GATA4: variants seen among roughly 807,000 people sequenced by gnomAD.
GATA4 encodes GATA binding protein 4.
A neutral mutation model predicts 37.9 loss-of-function variants in GATA4; 7 were observed. The ratio of observed to expected loss-of-function variants is 0.18; its 90% CI spans 0.11 to 0.35. The LOEUF (loss-of-function observed/expected upper bound fraction) is 0.35. Ranked by LOEUF, GATA4 falls within the 10% of genes least tolerant of loss-of-function variation. The probability of loss-of-function intolerance (pLI) is 1.00; values close to 1 mark genes in which losing one functional copy is unlikely to be tolerated. For synonymous variants in GATA4, 372 were observed against 292.6 expected, an observed-to-expected ratio of 1.27 and a Z score of -2.77; for missense variants, 647 against 653.0, an observed-to-expected ratio of 0.99 and a Z score of 0.10.
At chr8:11,700,900 G>A (rs913010193), upstream of GATA4, 1 of 152,176 alleles carries the variant, frequency 6.6e-6, no homozygotes, top group Non-Finnish European at 1.5e-5. Flanking sequence ...GGACCCAGGC[G>A]TGGCACTTGG....
chr8:11,687,127 G>T (rs992960387), intron 1 of GATA4, among the ~76,000 whole-genome samples: 2 of 152,220 alleles, frequency 1.3e-5, no homozygotes, highest in Admixed American at 1.3e-4. Flanking sequence ...AGCAAGAGAT[G>T]TGAGAAGTGA....
upstream of GATA4, among the ~76,000 whole-genome samples, chr8:11,702,317 C>A (rs1305681405): frequency 6.6e-6 from 1 of 152,132 alleles, no homozygotes; most frequent in African/African-American, 2.4e-5. The surrounding 1 kb of genome is among the most constrained non-coding windows in gnomAD (Gnocchi z 4.4). Context: ...TGGGAGGCAG[C>A]TCTGAGACCC....
chr8:11,753,179 G>A (rs1343181712), intron 4 of GATA4, among the ~76,000 whole-genome samples: 1 of 152,158 alleles, frequency 6.6e-6, no homozygotes, highest in Non-Finnish European at 1.5e-5. Context: ...GAAATGAACG[G>A]ATAAACACAG....
intron 2 of GATA4, among the ~76,000 whole-genome samples, chr8:11,733,099 AT>A (rs1331028434): frequency 6.6e-6 from 1 of 152,220 alleles, no homozygotes; most frequent in Non-Finnish European, 1.5e-5. Context: ...ACAAATGTAA[AT>A]TCCCTGTGGA....
chr8:11,718,934 C>T (rs1800550522), intron 2 of GATA4, among the ~76,000 whole-genome samples: 1 of 152,232 alleles, frequency 6.6e-6, no homozygotes, highest in South Asian at 2.1e-4. Context: ...CCATTCCGAG[C>T]AGGTGTGGGA....
At chr8:11,692,281 C>T (rs958694732), upstream of GATA4, among the ~76,000 whole-genome samples, 29 of 152,318 alleles carry the variant, frequency 1.9e-4, no homozygotes, top group African/African-American at 6.0e-4. Flanking sequence ...TCCATCACAC[C>T]TTTTCAAGCA....
At chr8:11,720,852 G>A (rs990544435) in intron 2 of GATA4, among the ~76,000 whole-genome samples, 21 of 151,740 alleles carry the variant, frequency 1.4e-4, no homozygotes, top group African/African-American at 5.1e-4. Context: ...CCTGCTGCTT[G>A]GGCTTTGCTT....
intron 1 of GATA4, among the ~76,000 whole-genome samples, chr8:11,694,202 T>C (rs947894607): frequency 2.6e-5 from 4 of 152,222 alleles, no homozygotes; most frequent in Admixed American, 1.3e-4. Flanking sequence ...GCCTGGCACA[T>C]AGTAAACATT....
At chr8:11,681,190 C>T (rs551656092) in intron 1 of GATA4, 2 of 985,400 alleles carry the variant, frequency 2.0e-6, no homozygotes, top group African/African-American at 3.5e-5. Context: ...AGTCACAGGC[C>T]CTGGCCCGCG....
chr8:11,719,685 A>G (rs1282514907), intron 2 of GATA4, among the ~76,000 whole-genome samples: 1 of 152,176 alleles, frequency 6.6e-6, no homozygotes, highest in Admixed American at 6.5e-5. Context: ...TAACTACATT[A>G]TTAAGTAGTC....
intron 2 of GATA4, among the ~76,000 whole-genome samples, chr8:11,710,421 T>C (rs1196159120): frequency 6.6e-6 from 1 of 151,186 alleles, no homozygotes; most frequent in Admixed American, 6.6e-5. Flanking sequence ...TACGGGGTCC[T>C]CTCCAGGGCC....
rs746574040 is a variant in GATA4 at position 11,708,384 on chromosome 8, C to G, written c.72C>G (p.Gly24=). 208 of 1,552,428 alleles carry G rather than the reference C, an allele frequency of 1.3e-4. 1 individual carries two copies. The highest frequency in any genetic ancestry group is 7.5e-5 in the Admixed American group (4 of 53,172). ...PPGAYEAGGP[G]AFMHGAGAAS... ...GTGCCTACGAGGCGGGCGGCCCCGG[C>G]GCCTTCATGCACGGCGCGGGCGCCG... Residue 24 remains glycine, a synonymous_variant, in exon 2 of 7, where the codon GGC becomes GGG. Transcript: ENST00000532059. The surrounding 1 kb of genome is among the most constrained non-coding windows in gnomAD (Gnocchi z 6.7).
At chr8:11,739,663 C>A (rs892203648) in intron 2 of GATA4, among the ~76,000 whole-genome samples, 11 of 148,212 alleles carry the variant, frequency 7.4e-5, no homozygotes, top group Non-Finnish European at 1.2e-4. Context: ...GCTGTCCCAT[C>A]GTCATTTCGG....
chr8:11,738,862 C>G (rs1801585906), intron 2 of GATA4, among the ~76,000 whole-genome samples: 1 of 152,220 alleles, frequency 6.6e-6, no homozygotes, highest in Non-Finnish European at 1.5e-5. Context: ...ATCATCACAA[C>G]ACAGTGACTT....
At chr8:11,697,792 C>T (rs1282238286) in intron 1 of GATA4, 1 of 985,312 alleles carries the variant, frequency 1.0e-6, no homozygotes, top group East Asian at 1.1e-4. Flanking sequence ...CGGGTCACCT[C>T]GGGGCGAGGG....
chr8:11,687,552 G>C (rs961753032), intron 1 of GATA4, among the ~76,000 whole-genome samples: 1 of 152,174 alleles, frequency 6.6e-6, no homozygotes, highest in East Asian at 1.9e-4. Flanking sequence ...CATCACATTT[G>C]AACCTCACAG....
intron 1 of GATA4, among the ~76,000 whole-genome samples, chr8:11,705,248 C>T (rs989562455): frequency 4.6e-5 from 7 of 152,204 alleles, no homozygotes; most frequent in African/African-American, 1.4e-4. Flanking sequence ...GGAAGACAAC[C>T]GAGAGCAGGT....
chr8:11,693,219 A>G (rs1799380964), intron 1 of GATA4, among the ~76,000 whole-genome samples: 1 of 152,192 alleles, frequency 6.6e-6, no homozygotes, highest in African/African-American at 2.4e-5. Flanking sequence ...TAATCCCAGC[A>G]CTTAGTGAGG....
chr8:11,697,090 C>G (rs1346523402), intron 1 of GATA4, among the ~76,000 whole-genome samples: 1 of 152,216 alleles, frequency 6.6e-6, no homozygotes, highest in Non-Finnish European at 1.5e-5. Flanking sequence ...CACCTAGGTG[C>G]GGAGGGCTCC....
Sources: gnomAD v4.1 joint callset for allele counts (sites outside exome capture counted in the v4.1 genomes callset) on GRCh38, gnomAD v4.1.1 for gene constraint, Gnocchi (gnomAD v3.1) non-coding constraint, MANE v1.5 for transcripts, NCBI Gene and HGNC (gene_info 2026-07-23, HGNC 2026-07-21) for gene names.